EPHA3: variants seen among roughly 807,000 people sequenced by gnomAD.
EPHA3 encodes ephrin type-A receptor 3.
EPHA3 carries 42 observed loss-of-function variants against 107.1 expected under a neutral mutation model. The observed-to-expected ratio is 0.39, with a 90% CI of 0.31 to 0.51. The LOEUF is 0.51. Among genes scored for constraint, EPHA3 ranks in the 20% least tolerant of loss-of-function variants. The pLI is 0.78. For synonymous variants in EPHA3, 461 were observed against 424.8 expected (o/e 1.09, Z -1.05); for missense variants, 1,183 against 1,211.2 (o/e 0.98, Z 0.35).
chr3:89,426,079 C>A (rs1311718125), intron 11 of EPHA3, among the ~76,000 whole-genome samples: 1 of 151,658 alleles, frequency 6.6e-6, no homozygotes, highest in Non-Finnish European at 1.5e-5. Context: ...TAGAACAGTA[C>A]TTTCATTGAG....
At chr3:89,133,153 G>A (rs188166219) in intron 2 of EPHA3, among the ~76,000 whole-genome samples, 3 of 152,204 alleles carry the variant, frequency 2.0e-5, no homozygotes. Context: ...TTAAATCTCA[G>A]TCTACACTTG....
intron 3 of EPHA3, among the ~76,000 whole-genome samples, chr3:89,330,452 A>T (rs1182793567): frequency 6.6e-6 from 1 of 152,104 alleles, no homozygotes; most frequent in African/African-American, 2.4e-5. Flanking sequence ...CAATAATATT[A>T]TCACATAAGT....
intron 3 of EPHA3, among the ~76,000 whole-genome samples, chr3:89,311,983 G>A (rs1706775325): frequency 6.6e-6 from 1 of 151,790 alleles, no homozygotes; most frequent in African/African-American, 2.4e-5. Context: ...GAAAAGAGGG[G>A]CACAGAAAAC....
chr3:89,301,422 T>C (rs2107346393), intron 3 of EPHA3, among the ~76,000 whole-genome samples: 2 of 152,218 alleles, frequency 1.3e-5, no homozygotes, highest in African/African-American at 4.8e-5. Context: ...GAGCTCACTC[T>C]GAGACTAAAC....
At chr3:89,188,190 T>C (rs1352051488) in intron 2 of EPHA3, among the ~76,000 whole-genome samples, 1 of 152,150 alleles carries the variant, frequency 6.6e-6, no homozygotes, top group Non-Finnish European at 1.5e-5. Flanking sequence ...ACTTCCTCAA[T>C]AAAATGTTAT....
chr3:89,307,331 C>T (rs1706647555), intron 3 of EPHA3, among the ~76,000 whole-genome samples: 1 of 151,924 alleles, frequency 6.6e-6, no homozygotes, highest in South Asian at 2.1e-4. Context: ...GATTGAGTTG[C>T]TAAACCTAAT....
intron 3 of EPHA3, among the ~76,000 whole-genome samples, chr3:89,214,415 A>C (rs572216456): frequency 8.4e-4 from 127 of 152,072 alleles, no homozygotes; most frequent in African/African-American, 2.9e-3. Flanking sequence ...TTCTTGTTTC[A>C]ATACATTTTA....
chr3:89,402,493 G>A (rs1260288641), intron 7 of EPHA3, among the ~76,000 whole-genome samples: 1 of 151,872 alleles, frequency 6.6e-6, no homozygotes, highest in Non-Finnish European at 1.5e-5. Context: ...TTTGTCTTAG[G>A]AGGTAAAAGA....
chr3:89,355,944 T>A (rs1707939587), intron 5 of EPHA3, among the ~76,000 whole-genome samples: 2 of 149,206 alleles, frequency 1.3e-5, no homozygotes, highest in Admixed American at 1.3e-4. Flanking sequence ...TAACTCTTCA[T>A]TTAGCATTAG....
chr3:89,328,515 A>G (rs1707219968), intron 3 of EPHA3, among the ~76,000 whole-genome samples: 1 of 152,200 alleles, frequency 6.6e-6, no homozygotes, highest in Admixed American at 6.5e-5. Context: ...CTCTATCTTC[A>G]TAGTCACCCT....
intron 2 of EPHA3, 105 bp from the exon 3 acceptor site, chr3:89,209,755 G>T: frequency 1.1e-6 from 1 of 922,792 alleles, no homozygotes; most frequent in Non-Finnish European, 1.6e-6. Context: ...TGTTTTTAAT[G>T]AGTAAATGAT....
chr3:89,331,584 C>CT (rs2107398779), intron 3 of EPHA3, among the ~76,000 whole-genome samples: 1 of 151,872 alleles, frequency 6.6e-6, no homozygotes, highest in Admixed American at 6.6e-5. Context: ...CCTAAGTGTT[C>CT]TTCCTACATT....
rs538288344 is a variant in EPHA3, at chr3:89,474,180, G to A, written c.2846+1561G>A. Among the ~76,000 whole-genome samples, 178 of 152,212 alleles carry A rather than the reference G, an allele frequency of 1.2e-3. 1 individual carries two copies. The highest frequency in any genetic ancestry group is 4.2e-3 in the African/African-American group (173 of 41,520). ...AATAAATAAGTTTATAATTTATGGT[G>A]TAACATTACAATCAGAAAGACATAA... On this transcript the variant is annotated intron_variant, in intron 16 of 16. Coordinates refer to ENST00000336596, the MANE Select transcript of EPHA3 (RefSeq NM_005233.6).
chr3:89,362,136 G>A (rs187868095), intron 5 of EPHA3, among the ~76,000 whole-genome samples: 1 of 151,118 alleles, frequency 6.6e-6, no homozygotes, highest in Admixed American at 6.6e-5. Context: ...TTTTAAATAA[G>A]TGTGATGGTC....
intron 7 of EPHA3, among the ~76,000 whole-genome samples, chr3:89,406,031 G>A (rs187274657): frequency 2.1e-4 from 32 of 152,184 alleles, no homozygotes; most frequent in African/African-American, 7.7e-4. Flanking sequence ...TGGTTTAGAA[G>A]GAATATTCTG....
At chr3:89,271,801 G>T (rs1336568972) in intron 3 of EPHA3, among the ~76,000 whole-genome samples, 2 of 151,922 alleles carry the variant, frequency 1.3e-5, no homozygotes, top group African/African-American at 4.8e-5. Context: ...CATCAAGCGA[G>T]TCACTTTTAT....
chr3:89,112,165 T>C (rs1344418329), intron 1 of EPHA3, among the ~76,000 whole-genome samples: 1 of 152,104 alleles, frequency 6.6e-6, no homozygotes, highest in Non-Finnish European at 1.5e-5. Flanking sequence ...CATGAAACAC[T>C]AGAAATTGGG....
chr3:89,291,764 A>G (rs1187009554), intron 3 of EPHA3, among the ~76,000 whole-genome samples: 11 of 152,276 alleles, frequency 7.2e-5, no homozygotes, highest in South Asian at 2.1e-4. Context: ...AAAGATCAGA[A>G]CTGTTACCCT....
intron 3 of EPHA3, among the ~76,000 whole-genome samples, chr3:89,285,657 T>C (rs1363189970): frequency 1.3e-5 from 2 of 152,200 alleles, no homozygotes; most frequent in Non-Finnish European, 2.9e-5. Context: ...GGAAGAGTTG[T>C]TGGTATATTT....
Sources: allele counts gnomAD v4.1 joint callset (sites outside exome capture counted in the v4.1 genomes callset), GRCh38; gene constraint gnomAD v4.1.1; transcripts MANE v1.5; gene names NCBI Gene and HGNC (gene_info 2026-07-23, HGNC 2026-07-21).